NLRP5: variants seen among roughly 807,000 people sequenced by gnomAD.
NLRP5 encodes the protein NLR family pyrin domain containing 5, also known as NACHT, LRR and PYD domains-containing protein 5.
Under a neutral mutation model 113.1 loss-of-function variants are expected in NLRP5, and 93 were observed. The observed-to-expected ratio is 0.82, with a 90% confidence interval of 0.70 to 0.98. The LOEUF (loss-of-function observed/expected upper bound fraction) is 0.98, where lower values mean the gene tolerates loss of function less well. Ranked by LOEUF, NLRP5 falls within the 50% of genes least tolerant of loss-of-function variation. The pLI, the probability that NLRP5 is intolerant of heterozygous loss-of-function variation, is 0.00. For missense variants in NLRP5, 1,808 were observed against 1,514.3 expected (o/e 1.19, Z -3.22); for synonymous variants, 751 against 600.7 (o/e 1.25, Z -3.66).
At chr19:56,058,121 TTG>T in intron 13 of NLRP5, 117 bp from the exon 14 acceptor site, 1 of 811,314 alleles carries the variant, frequency 1.2e-6, no homozygotes, top group South Asian at 2.3e-5. Context: ...CATTTTTTGT[TTG>T]TTTTTGTTTT....
Position 56,027,214 on chromosome 19 carries a change from G to C in NLRP5, c.981G>C (p.Lys327Asn), listed in dbSNP as rs1451304177. Reference sequence around the variant, plus strand: ...TCCCCGTTAGAGAGATGCAGCGGAAGAAGGAGAGCAGTGTCACAGAGTTCA... The same window carrying C: ...TCCCCGTTAGAGAGATGCAGCGGAACAAGGAGAGCAGTGTCACAGAGTTCA... The change falls in exon 7 of 15, where the codon AAG becomes AAC. Residue 327 changes from lysine (K) to asparagine (N), a missense_variant. Coordinates refer to ENST00000390649, the MANE Select transcript of NLRP5 (RefSeq NM_153447.4). The C allele has an allele frequency of 6.2e-7, 1 of 1,612,194 alleles. No homozygotes were observed. The highest frequency in any genetic ancestry group is 8.5e-7 in the Non-Finnish European group (1 of 1,179,276).
chr19:56,044,704 G>T (rs1270007347), intron 11 of NLRP5, among the ~76,000 whole-genome samples: 3 of 151,634 alleles, frequency 2.0e-5, no homozygotes, highest in Non-Finnish European at 4.4e-5. Flanking sequence ...CTCTTTTTTT[G>T]GTTCCATTTG....
the NLRP5 span, among the ~76,000 whole-genome samples, chr19:55,990,079 C>CTTTTTTTTTTTTT: frequency 5.2e-5 from 5 of 95,958 alleles, no homozygotes; most frequent in Non-Finnish European, 8.0e-5. Flanking sequence ...TTTCTTTTTT[C>CTTTTTTTTTTTTT]TTTTTTTTTT....
chr19:56,014,640 TTG>T (rs1427657892), intron 3 of NLRP5, among the ~76,000 whole-genome samples: 2 of 152,194 alleles, frequency 1.3e-5, no homozygotes, highest in Non-Finnish European at 2.9e-5. Flanking sequence ...CTTCATCCTT[TTG>T]TGTGTAGATA....
At chr19:56,010,965 A>G (rs754074526) in intron 3 of NLRP5, among the ~76,000 whole-genome samples, 41 of 151,776 alleles carry the variant, frequency 2.7e-4, no homozygotes, top group Non-Finnish European at 5.1e-4. Context: ...CAACCTGGGC[A>G]ATGTAGCAAG....
intron 6 of NLRP5, among the ~76,000 whole-genome samples, chr19:56,022,652 A>C (rs756247659): frequency 4.6e-5 from 7 of 151,980 alleles, no homozygotes; most frequent in Admixed American, 3.9e-4. Flanking sequence ...TCACAAACAC[A>C]ACCTTTTTTT....
chr19:56,005,284 T>C (rs536435821), intron 2 of NLRP5, among the ~76,000 whole-genome samples: 2 of 147,462 alleles, frequency 1.4e-5, no homozygotes, highest in African/African-American at 5.0e-5. Context: ...TATACACATA[T>C]ATTTTTATAT....
chr19:56,050,164 C>T (rs1363880086), intron 11 of NLRP5, among the ~76,000 whole-genome samples: 5 of 151,840 alleles, frequency 3.3e-5, no homozygotes, highest in African/African-American at 1.2e-4. Flanking sequence ...CCTGTAATCC[C>T]AGCTACTCAG....
At chr19:56,043,338 G>A (rs1983590095) in intron 11 of NLRP5, among the ~76,000 whole-genome samples, 1 of 151,914 alleles carries the variant, frequency 6.6e-6, no homozygotes, top group Non-Finnish European at 1.5e-5. Flanking sequence ...GGTTTTGATT[G>A]CATTTCCCTG....
chr19:56,014,496 A>T lies in NLRP5; in HGVS notation c.509-1246A>T, dbSNP rs946536974. On this transcript the variant is annotated intron_variant, in intron 3 of 14. Coordinates refer to ENST00000390649, the MANE Select transcript of NLRP5 (RefSeq NM_153447.4). The stretch of plus-strand genomic sequence containing the variant: ...TCCATCTCAAAAAAAAAAAAAAAAA[A>T]TTGCTTAACCCAAAATCAGAAGGTT... Among the ~76,000 whole-genome samples, 8 of 142,730 alleles carry T rather than the reference A, an allele frequency of 5.6e-5. No homozygotes were observed. In the South Asian group the frequency reaches 1.8e-3, roughly 32 times the overall value. 93.6% of individuals were successfully genotyped at this position (142,730 alleles called of 152,430 possible).
At position 56,027,874 on chromosome 19, in the gene NLRP5, C is replaced by T. The variant is rs397977; in HGVS notation, c.1641C>T (p.Asp547=). ...TGTGGAATAGGAAGTCAGTGTTTGA[C>T]GGTGACGACCTCATGGTTCAAGGAC... Residue 547 remains aspartate (D), a synonymous_variant, in exon 7 of 15, where the codon GAC becomes GAT. Transcript: ENST00000390649. 729,704 of 1,613,132 alleles carry T rather than the reference C, an allele frequency of 0.45. 168,759 individuals are homozygous for T. The highest frequency in any genetic ancestry group is 0.52 in the South Asian group (47,326 of 91,046).
intron 6 of NLRP5, among the ~76,000 whole-genome samples, chr19:56,022,459 C>A (rs1982652211): frequency 6.6e-6 from 1 of 152,072 alleles, no homozygotes; most frequent in African/African-American, 2.4e-5. Flanking sequence ...GAACTCCTGG[C>A]CTCAAGTGAT....
At chr19:56,023,582 G>C (rs1982701909) in intron 6 of NLRP5, among the ~76,000 whole-genome samples, 2 of 152,090 alleles carry the variant, frequency 1.3e-5, no homozygotes, top group Admixed American at 1.3e-4. Context: ...GATATTATAA[G>C]TAGCCTAGAG....
At chr19:56,055,799 C>A (rs1169767990) in intron 13 of NLRP5, among the ~76,000 whole-genome samples, 1 of 152,000 alleles carries the variant, frequency 6.6e-6, no homozygotes, top group Non-Finnish European at 1.5e-5. Flanking sequence ...CCCGCCTTGG[C>A]CTCCCAAAGT....
chr19:55,988,980 A>G, the NLRP5 span, among the ~76,000 whole-genome samples: 1 of 152,194 alleles, frequency 6.6e-6, no homozygotes, highest in Non-Finnish European at 1.5e-5. Flanking sequence ...GTGCTCAGAA[A>G]TAAGTATTTT....
chr19:55,998,684 A>ATGTGTGTGTG (rs1203915046), upstream of NLRP5, among the ~76,000 whole-genome samples: 1 of 82,026 alleles, frequency 1.2e-5, no homozygotes, highest in Non-Finnish European at 2.0e-5. Flanking sequence ...ATATATATAT[A>ATGTGTGTGTG]TATATATATA....
chr19:55,995,968 T>G (rs778421385), upstream of NLRP5, among the ~76,000 whole-genome samples: 53 of 152,212 alleles, frequency 3.5e-4, no homozygotes, highest in Non-Finnish European at 1.3e-4. Context: ...CTGAAAAATT[T>G]ATCCAAAAAT....
At chr19:56,044,688 T>C (rs2867228) in intron 11 of NLRP5, among the ~76,000 whole-genome samples, 125,965 of 152,014 alleles carry the variant, frequency 0.83, 52,915 homozygotes, top group African/African-American at 0.94. Context: ...GCTTTGGCCA[T>C]GCTGGCTCTT....
intron 5 of NLRP5, among the ~76,000 whole-genome samples, chr19:56,019,772 T>C (rs1982543722): frequency 6.6e-6 from 1 of 152,042 alleles, no homozygotes; most frequent in Non-Finnish European, 1.5e-5. Context: ...AATATGTACA[T>C]GAATACCTGC....
Sources: gnomAD v4.1 joint callset for allele counts (sites outside exome capture counted in the v4.1 genomes callset) on GRCh38, gnomAD v4.1.1 for gene constraint, MANE v1.5 for transcripts, NCBI Gene and HGNC (gene_info 2026-07-23, HGNC 2026-07-21) for gene names.